SH3BP5: variants seen among roughly 807,000 people sequenced by gnomAD.
SH3BP5 encodes SH3 domain-binding protein 5.
A neutral mutation model predicts 43.3 loss-of-function variants in SH3BP5; 22 were observed. The ratio of observed to expected loss-of-function variants is 0.51; its 90% CI spans 0.36 to 0.73. The LOEUF (loss-of-function observed/expected upper bound fraction) is 0.73. Ranked by LOEUF, SH3BP5 falls within the 30% of genes least tolerant of loss-of-function variation. The probability of loss-of-function intolerance (pLI) is 0.00; values close to 1 mark genes in which losing one functional copy is unlikely to be tolerated. For missense variants in SH3BP5, 529 were observed against 586.9 expected, an observed-to-expected ratio of 0.90 and a Z score of 1.02; for synonymous variants, 255 against 225.8, an observed-to-expected ratio of 1.13 and a Z score of -1.16.
intron 2 of SH3BP5, among the ~76,000 whole-genome samples, chr3:15,310,784 A>C (rs1290040644): frequency 6.6e-6 from 1 of 152,230 alleles, no homozygotes; most frequent in Non-Finnish European, 1.5e-5. Context: ...TAGGTGACTC[A>C]GACTGAAGGT....
chr3:15,311,413 A>G (rs1218343499), intron 2 of SH3BP5, among the ~76,000 whole-genome samples: 1 of 152,034 alleles, frequency 6.6e-6, no homozygotes, highest in Non-Finnish European at 1.5e-5. Context: ...AAACACAAAA[A>G]TTAGTCGGGC....
In SH3BP5 at chr3:15,254,895, G is replaced by A. The variant is rs953843242; in HGVS notation, c.*1191C>T. 4 of 152,104 alleles carry A rather than the reference G, an allele frequency of 2.6e-5. No individual in the cohort carries two copies. Among genetic ancestry groups the A allele is most frequent in the African/African-American group, 7.2e-5 (3 of 41,408 alleles). The allele number at this position is 152,104 out of a possible 1,614,324, so 9.4% of individuals were successfully genotyped here. On this transcript the variant is annotated 3_prime_UTR_variant, in exon 9 of 9. Coordinates refer to ENST00000383791, the MANE Select transcript of SH3BP5 (RefSeq NM_004844.5). Reference sequence around the variant, plus strand: ...TATTACACTTAGTGTATTAAGACAAGTACAAAATAACCTTGTAATTAAGAT... The same window carrying A: ...TATTACACTTAGTGTATTAAGACAAATACAAAATAACCTTGTAATTAAGAT...
chr3:15,336,744 T>C (rs1048781847), upstream of SH3BP5, among the ~76,000 whole-genome samples: 9 of 152,174 alleles, frequency 5.9e-5, no homozygotes, highest in Admixed American at 3.9e-4. Flanking sequence ...GATTTTCCTA[T>C]AGTATAGTCT....
chr3:15,271,137 G>T (rs546495972), intron 3 of SH3BP5, among the ~76,000 whole-genome samples: 2 of 151,618 alleles, frequency 1.3e-5, no homozygotes, highest in African/African-American at 4.8e-5. Context: ...CAGCACTTTG[G>T]GGGGCCAAGG....
chr3:15,294,077 CAA>C (rs111324706), intron 3 of SH3BP5, among the ~76,000 whole-genome samples: 33 of 70,896 alleles, frequency 4.7e-4, no homozygotes, highest in Admixed American at 8.3e-4. Context: ...GTCTCCATCT[CAA>C]AAAAAAAAAA....
upstream of SH3BP5, chr3:15,333,241 C>A (rs1245524833): frequency 1.0e-6 from 1 of 985,432 alleles, no homozygotes; most frequent in African/African-American, 1.7e-5. Flanking sequence ...GTTGGCCTGG[C>A]AGACACAGCA....
intron 3 of SH3BP5, chr3:15,275,805 G>C (rs941851556): frequency 6.6e-6 from 1 of 152,140 alleles, no homozygotes; most frequent in African/African-American, 2.4e-5. Context: ...TGGATCACTT[G>C]AGGCCAGGAG....
intron 4 of SH3BP5, among the ~76,000 whole-genome samples, 183 bp from the exon 5 acceptor site, chr3:15,262,472 A>T (rs1215266534): frequency 1.3e-5 from 2 of 152,122 alleles, no homozygotes; most frequent in East Asian, 3.9e-4. Context: ...ATCCTAGCCA[A>T]CATGGTGAAA....
At chr3:15,271,246 C>T (rs1351618053) in intron 3 of SH3BP5, among the ~76,000 whole-genome samples, 1 of 152,052 alleles carries the variant, frequency 6.6e-6, no homozygotes, top group Non-Finnish European at 1.5e-5. Context: ...AGCATGGTGG[C>T]ACATGGCTGT....
intron 2 of SH3BP5, among the ~76,000 whole-genome samples, chr3:15,326,169 G>C (rs143770832): frequency 1.6e-3 from 246 of 152,288 alleles, no homozygotes; most frequent in South Asian, 0.012. Context: ...ATATAAATCA[G>C]CATGCAAAGG....
At chr3:15,308,173 A>G (rs1697962175) in intron 2 of SH3BP5, among the ~76,000 whole-genome samples, 1 of 152,196 alleles carries the variant, frequency 6.6e-6, no homozygotes, top group African/African-American at 2.4e-5. Flanking sequence ...TGATTTGCTG[A>G]GAGCTCTCTG....
intron 2 of SH3BP5, among the ~76,000 whole-genome samples, chr3:15,316,335 C>T (rs574079669): frequency 3.3e-5 from 5 of 149,436 alleles, no homozygotes; most frequent in South Asian, 4.3e-4. Flanking sequence ...AGTGATTCTC[C>T]TGCCTCAGCC....
chr3:15,282,072 T>G (rs552445735), intron 3 of SH3BP5, among the ~76,000 whole-genome samples: 1 of 152,202 alleles, frequency 6.6e-6, no homozygotes, highest in East Asian at 1.9e-4. Flanking sequence ...ACCAGGACAA[T>G]TGAGCCACTA....
Position 15,332,487 on chromosome 3 carries a change from C to G in SH3BP5, c.-79G>C. On this transcript the variant is annotated 5_prime_UTR_variant, in exon 1 of 9. Coordinates refer to ENST00000383791, the MANE Select transcript of SH3BP5 (RefSeq NM_004844.5). ...GCGGCTGCCACAGGCTGGGCTGGAG[C>G]CGCCTCGCCACAGCCGGGCACGGTC... The G allele has an allele frequency of 7.3e-7, 1 of 1,362,612 alleles. No individual in the cohort carries two copies. Among genetic ancestry groups the G allele is most frequent in the Non-Finnish European group, 9.4e-7 (1 of 1,065,640 alleles). 84.4% of individuals were successfully genotyped at this position (1,362,612 alleles called of 1,614,324 possible).
Position 15,294,325 on chromosome 3 carries a change from G to GTGTGTA in SH3BP5, c.330+9777_330+9778insTACACA, listed in dbSNP as rs1553616727. On this transcript the variant is annotated intron_variant, in intron 3 of 8. Coordinates refer to ENST00000383791, the MANE Select transcript of SH3BP5 (RefSeq NM_004844.5). ...TGTGTGTGTGTGTGTGTGTGTGTGT[G>GTGTGTA]TGTGTGCGCGCGCATGTTTACGTAA... 5.7e-3 allele frequency among the ~76,000 whole-genome samples: 816 copies of GTGTGTA among 142,932 alleles called. 39 individuals carry two copies. The highest frequency in any genetic ancestry group is 0.022 in the African/African-American group (760 of 35,072). The allele number at this position is 142,932 out of a possible 152,430, so 93.8% of individuals were successfully genotyped here.
chr3:15,332,513 G>T lies in SH3BP5; in HGVS notation c.-105C>A. The T allele has an allele frequency of 7.9e-7, 1 of 1,264,916 alleles. No individual in the cohort carries two copies. The highest frequency in any genetic ancestry group is 2.9e-5 in the South Asian group (1 of 34,698). 78.4% of individuals were successfully genotyped at this position (1,264,916 alleles called of 1,614,324 possible). On this transcript the variant is annotated 5_prime_UTR_variant, in exon 1 of 9. Transcript: ENST00000383791. ...CGCCTCGCCACAGCCGGGCACGGTC[G>T]GGGAGCCGCCGGGGCCGACACCCGG...
intron 2 of SH3BP5, among the ~76,000 whole-genome samples, chr3:15,308,066 G>A (rs1224782652): frequency 2.6e-5 from 4 of 152,146 alleles, no homozygotes; most frequent in African/African-American, 9.7e-5. Context: ...AGAGCAGAAG[G>A]TGCCCCCTTA....
chr3:15,298,820 A>T (rs1297307475), intron 3 of SH3BP5, among the ~76,000 whole-genome samples: 1 of 152,134 alleles, frequency 6.6e-6, no homozygotes, highest in East Asian at 1.9e-4. Flanking sequence ...TTGGGGAGTT[A>T]GTGTTGAATG....
intron 5 of SH3BP5, chr3:15,260,404 C>T (rs915523078): frequency 6.4e-6 from 1 of 157,200 alleles, no homozygotes; most frequent in African/African-American, 2.4e-5. Flanking sequence ...TGCCAGCGTC[C>T]TAGCAGTTCC....
Sources: allele counts gnomAD v4.1 joint callset (sites outside exome capture counted in the v4.1 genomes callset), GRCh38; gene constraint gnomAD v4.1.1; transcripts MANE v1.5; gene names NCBI Gene and HGNC (gene_info 2026-07-23, HGNC 2026-07-21).